Variants in CBFA2T3 observed in about 807,000 individuals in gnomAD.
CBFA2T3 encodes the protein CBFA2/RUNX1 partner transcriptional co-repressor 3.
Under a neutral mutation model 58.6 loss-of-function variants are expected in CBFA2T3, and 31 were observed. The ratio of observed to expected loss-of-function variants is 0.53; its 90% CI spans 0.40 to 0.71. The LOEUF is 0.71. Ranked by LOEUF, CBFA2T3 falls within the 30% of genes least tolerant of loss-of-function variation. The probability of loss-of-function intolerance (pLI) is 0.00; values close to 1 mark genes in which losing one functional copy is unlikely to be tolerated. For synonymous variants in CBFA2T3, 531 were observed against 421.9 expected, an observed-to-expected ratio of 1.26 and a Z score of -3.17; for missense variants, 1,076 against 963.1, an observed-to-expected ratio of 1.12 and a Z score of -1.55.
chr16:88,976,735 T>C lies in CBFA2T3; in HGVS notation c.73A>G (p.Thr25Ala). The change falls in exon 1 of 12, where the codon ACG (threonine) becomes GCG (alanine). Residue 25 changes from threonine to alanine, a missense_variant. Physicochemically the swap from Thr to Ala is moderately conservative, Grantham distance 58. Transcript: ENST00000268679. ...AGGCCGCTCTCCAGCACAGGGTGCGTCTGGGACATGGAGCCACAGGTGGAT... is the reference window on the plus strand; with the variant it reads ...AGGCCGCTCTCCAGCACAGGGTGCGCCTGGGACATGGAGCCACAGGTGGAT... ...SGSTCGSMSQ[T>A]HPVLESGLLA... 2.6e-6 allele frequency: 4 copies of C among 1,557,644 alleles called. No individual in the cohort carries two copies. The highest frequency in any genetic ancestry group is 3.5e-6 in the Non-Finnish European group (4 of 1,150,666).
intron 3 of CBFA2T3, among the ~76,000 whole-genome samples, chr16:88,896,421 C>T (rs988555486): frequency 5.3e-5 from 8 of 152,166 alleles, no homozygotes; most frequent in South Asian, 2.1e-4. Context: ...GCACCGATAA[C>T]GGCGTCGTAT....
chr16:88,915,927 T>C (rs1970703505), intron 1 of CBFA2T3, among the ~76,000 whole-genome samples: 1 of 152,074 alleles, frequency 6.6e-6, no homozygotes, highest in Admixed American at 6.5e-5. Context: ...ATTAGGCATG[T>C]GTGCGTGTGA....
intron 1 of CBFA2T3, among the ~76,000 whole-genome samples, chr16:88,911,418 G>T (rs1970527092): frequency 6.6e-6 from 1 of 152,240 alleles, no homozygotes; most frequent in Non-Finnish European, 1.5e-5. Flanking sequence ...TGCCTCTTTG[G>T]GTGGGGTCAC....
rs141829570 is a variant in CBFA2T3, at chr16:88,886,035, G to A, written c.819C>T (p.Ser273=). The A allele has an allele frequency of 1.1e-5, 17 of 1,574,014 alleles. No homozygotes were observed. The highest frequency in any genetic ancestry group is 2.3e-5 in the South Asian group (2 of 86,034). Reference sequence around the variant, plus strand: ...CTGAGGAGTCGATGGGGGAGGAGGCGCTGGCGTCCAGCAGGAGCTGCTCAT... The same window carrying A: ...CTGAGGAGTCGATGGGGGAGGAGGCACTGGCGTCCAGCAGGAGCTGCTCAT... ...AQHEQLLLDA[S]ASSPIDSSEL... The change falls in exon 6 of 12, where the codon AGC becomes AGT. Residue 273 remains serine, a synonymous_variant. Coordinates refer to ENST00000268679, the MANE Select transcript of CBFA2T3 (RefSeq NM_005187.6).
chr16:88,956,090 C>A (rs1038511664), intron 1 of CBFA2T3, among the ~76,000 whole-genome samples: 10 of 152,276 alleles, frequency 6.6e-5, no homozygotes, highest in African/African-American at 2.4e-4. Flanking sequence ...CGAGTTCCTG[C>A]TCCCTGAGGC....
intron 1 of CBFA2T3, among the ~76,000 whole-genome samples, chr16:88,915,775 A>C (rs1246053834): frequency 2.0e-5 from 3 of 148,510 alleles, no homozygotes; most frequent in Non-Finnish European, 4.5e-5. Context: ...AGTGCAGAGA[A>C]CGAGCAGACA....
chr16:88,893,698 G>A (rs1597683347), intron 3 of CBFA2T3, among the ~76,000 whole-genome samples: 1 of 152,340 alleles, frequency 6.6e-6, no homozygotes, highest in Admixed American at 6.5e-5. Flanking sequence ...TGCCTGGCTG[G>A]CCCTGCTATT....
intron 1 of CBFA2T3, among the ~76,000 whole-genome samples, chr16:88,918,314 G>A (rs1043069271): frequency 1.3e-5 from 2 of 152,362 alleles, no homozygotes; most frequent in East Asian, 1.9e-4. Flanking sequence ...GGGAGGCCTG[G>A]GAGAAGACCC....
intron 1 of CBFA2T3, chr16:88,902,448 A>C (rs993077038): frequency 6.6e-6 from 1 of 151,484 alleles, no homozygotes; most frequent in Non-Finnish European, 1.5e-5. Flanking sequence ...GGCTCCCTGA[A>C]GTCTGAGAAG....
intron 3 of CBFA2T3, among the ~76,000 whole-genome samples, chr16:88,892,787 T>A (rs1220486030): frequency 2.0e-5 from 3 of 152,044 alleles, no homozygotes; most frequent in African/African-American, 7.2e-5. Context: ...TTGCCCCAGG[T>A]CCCCAATGGG....
intron 1 of CBFA2T3, among the ~76,000 whole-genome samples, chr16:88,931,422 C>T (rs1364995468): frequency 1.3e-5 from 2 of 152,122 alleles, no homozygotes; most frequent in Non-Finnish European, 1.5e-5. Context: ...GAAGCGCTCA[C>T]AAGGACCGGT....
chr16:88,916,851 T>C lies in CBFA2T3; in HGVS notation c.152-15195A>G, dbSNP rs572984431. On this transcript the variant is annotated intron_variant, in intron 1 of 11. Transcript: ENST00000268679. ...AGAGGAGGTCAGGCTGGCTGTCATATTGGTTACTAGACAGGCGTGGAGGGG... is the reference window on the plus strand; with the variant it reads ...AGAGGAGGTCAGGCTGGCTGTCATACTGGTTACTAGACAGGCGTGGAGGGG... Among the ~76,000 whole-genome samples, 12 of 151,926 alleles carry C rather than the reference T, an allele frequency of 7.9e-5. No individual in the cohort carries two copies. In the South Asian group the frequency reaches 8.3e-4, roughly 11 times the overall value.
At chr16:88,935,712 G>C (rs1024014421) in intron 1 of CBFA2T3, among the ~76,000 whole-genome samples, 1 of 152,204 alleles carries the variant, frequency 6.6e-6, no homozygotes, top group East Asian at 1.9e-4. Context: ...GCAGAGAAGG[G>C]GGCCTGGGTG....
rs534797177 is a variant in CBFA2T3, at chr16:88,880,583, C to G, written c.1471+137G>C. On this transcript the variant is annotated intron_variant, in intron 10 of 11. Transcript: ENST00000268679. ...TACTCTGACCTCTCCGTGAGCCACACAGCGGAATGCAGAAAGCCTTGTAGC... is the reference window on the plus strand; with the variant it reads ...TACTCTGACCTCTCCGTGAGCCACAGAGCGGAATGCAGAAAGCCTTGTAGC... 14 of 719,328 alleles carry G rather than the reference C, an allele frequency of 1.9e-5. No individual in the cohort carries two copies. The African/African-American group carries it at 2.1e-4, about 11-fold the overall frequency. 44.6% of individuals were successfully genotyped at this position (719,328 alleles called of 1,614,324 possible). A position where few individuals can be genotyped will look rare whatever the true frequency, so the allele number is the denominator to read the frequency against.
intron 1 of CBFA2T3, among the ~76,000 whole-genome samples, chr16:88,929,507 G>A (rs1454760790): frequency 6.6e-6 from 1 of 152,114 alleles, no homozygotes; most frequent in East Asian, 1.9e-4. Flanking sequence ...CAAGAGAAAT[G>A]AAGACATTCA....
At chr16:88,941,265 G>C in intron 1 of CBFA2T3, 1 of 751,042 alleles carries the variant, frequency 1.3e-6, no homozygotes, top group Non-Finnish European at 1.6e-6. Flanking sequence ...ACCCCGCCCG[G>C]GGCGGTCTCC....
At chr16:88,922,018 A>G (rs1215673962) in intron 1 of CBFA2T3, among the ~76,000 whole-genome samples, 2 of 152,246 alleles carry the variant, frequency 1.3e-5, no homozygotes, top group African/African-American at 4.8e-5. Context: ...TCACTGGGAC[A>G]GGCCAGGGTG....
intron 5 of CBFA2T3, chr16:88,886,909 C>A (rs926849658): frequency 6.6e-6 from 1 of 152,282 alleles, no homozygotes; most frequent in Non-Finnish European, 1.5e-5. Flanking sequence ...GCCTTTGACG[C>A]CTGTGTGTAC....
intron 5 of CBFA2T3, among the ~76,000 whole-genome samples, chr16:88,890,029 G>GTGAATCTAGAAC (rs1969563155): frequency 7.0e-6 from 1 of 143,712 alleles, no homozygotes; most frequent in African/African-American, 2.6e-5. Context: ...GATGCCCCGC[G>GTGAATCTAGAAC]ATTCCTCCTC....
Sources: gnomAD v4.1 joint callset for allele counts (sites outside exome capture counted in the v4.1 genomes callset) on GRCh38, gnomAD v4.1.1 for gene constraint, MANE v1.5 for transcripts, NCBI Gene and HGNC (gene_info 2026-07-23, HGNC 2026-07-21) for gene names.